The following GRIN3B variants were observed in gnomAD, a reference collection of about 807,000 sequenced individuals.
GRIN3B encodes the protein glutamate receptor ionotropic, NMDA 3B.
In GRIN3B, 77 loss-of-function variants were observed where a neutral mutation model predicts 66.0. The observed-to-expected ratio is 1.17, with a 90% confidence interval of 0.97 to 1.41. The LOEUF (loss-of-function observed/expected upper bound fraction) is 1.41. GRIN3B is among the 40% of genes most tolerant of loss of function. The pLI, the probability that GRIN3B is intolerant of heterozygous loss-of-function variation, is 0.00. For synonymous variants in GRIN3B, 823 were observed against 749.7 expected, an observed-to-expected ratio of 1.10 and a Z score of -1.60; for missense variants, 1,787 against 1,564.5, an observed-to-expected ratio of 1.14 and a Z score of -2.40.
At chr19:1,004,043 C>T (rs895981515) in intron 2 of GRIN3B, among the ~76,000 whole-genome samples, 4 of 152,222 alleles carry the variant, frequency 2.6e-5, no homozygotes, top group Admixed American at 1.3e-4. Flanking sequence ...GAGCTGAGAT[C>T]GCACCACTGC....
In GRIN3B at chr19:1,008,826, C is replaced by T. The variant is rs750536533; in HGVS notation, c.2632-31C>T. 98 of 1,593,144 alleles carry T rather than the reference C, an allele frequency of 6.2e-5. 1 individual carries two copies. Among genetic ancestry groups the T allele is most frequent in the Middle Eastern group, 1.7e-4 (1 of 6,046 alleles). On this transcript the variant is annotated intron_variant, in intron 7 of 8. Transcript: ENST00000234389. The stretch of plus-strand genomic sequence containing the variant: ...GCGGGCGGCCCCACCCCCCCCGCCT[C>T]CTCGCCAACCGGGTCTGTCTGGGGT...
chr19:1,008,681 A>C lies in GRIN3B; in HGVS notation c.2530A>C (p.Ser844Arg). The change falls in exon 7 of 9, where the codon AGC becomes CGC. Residue 844 changes from serine to arginine, a missense_variant. By Grantham distance (110) the Ser-to-Arg change is moderately radical (BLOSUM62 -1). Coordinates refer to ENST00000234389, the MANE Select transcript of GRIN3B (RefSeq NM_138690.3). ...CGTGTTGCTGTGCCTGGGCCTGGGCAGCGCTCTGCTCAGCTCGCTGGGCGA... is the reference window on the plus strand; with the variant it reads ...CGTGTTGCTGTGCCTGGGCCTGGGCCGCGCTCTGCTCAGCTCGCTGGGCGA... ...LFVLLCLGLG[S>R]ALLSSLGEHA... The C allele has an allele frequency of 6.2e-7, 1 of 1,606,192 alleles. No individual in the cohort carries two copies.
rs749404495 is a variant in GRIN3B, at chr19:1,004,646, C to T, written c.1145C>T (p.Ala382Val). The change falls in exon 3 of 9, where the codon GCC (alanine) becomes GTC (valine). Residue 382 changes from alanine to valine, a missense_variant. By Grantham distance (64) the Ala-to-Val change is moderately conservative. Transcript: ENST00000234389. ...SLRRDPRGAP[A>V]WATVGSWRDG... is the part of the protein sequence containing the mutation. ...CGCCGGGACCCACGGGGCGCCCCGG[C>T]CTGGGCCACGGTGGGCAGCTGGCGG... 5 of 1,602,188 alleles carry T rather than the reference C, an allele frequency of 3.1e-6. No homozygotes were observed. The highest frequency in any genetic ancestry group is 4.3e-6 in the Non-Finnish European group (5 of 1,174,756).
intron 1 of GRIN3B, 98 bp downstream of exon 1, chr19:1,000,961 C>G: frequency 8.1e-7 from 1 of 1,227,710 alleles, no homozygotes; most frequent in Non-Finnish European, 1.0e-6. Context: ...GGTGCCGGGA[C>G]TACGCAGGGA....
intron 2 of GRIN3B, 81 bp from the exon 3 acceptor site, chr19:1,004,440 A>C (rs1311315119): frequency 7.3e-6 from 9 of 1,238,264 alleles, no homozygotes; most frequent in Non-Finnish European, 9.2e-6. Context: ...ACCAGTGGGA[A>C]TCGGGCACGT....
chr19:1,007,982 C>T lies in GRIN3B; in HGVS notation c.2314+11C>T, dbSNP rs375905374. 2.4e-5 allele frequency: 39 copies of T among 1,610,220 alleles called. No individual in the cohort carries two copies. The highest frequency in any genetic ancestry group is 3.0e-5 in the Non-Finnish European group (35 of 1,178,124). ...CCTTCGCCATTGAGGGTGAGAGGCA[C>T]CTGGGCGAGGCGGGGCGCCGGGGTC... On this transcript the variant is annotated intron_variant, in intron 5 of 8. Transcript: ENST00000234389. The surrounding 1 kb of genome is among the most constrained non-coding windows in gnomAD (Gnocchi z 4.4).
rs577413695 is a variant in GRIN3B, at chr19:1,003,722, G to A, written c.1019G>A (p.Arg340Gln). Residue 340 changes from arginine to glutamine, a missense_variant and splice_region_variant, in exon 2 of 9, where the codon CGG becomes CAG. Physicochemically the swap from Arg to Gln is conservative, Grantham distance 43. Transcript: ENST00000234389. ...GPESPGRFLARFLANTSFQGR... is the reference protein window; with the variant it reads ...GPESPGRFLAQFLANTSFQGR... Reference sequence around the variant, plus strand: ...GAGTCCCCGGGGCGCTTCTTGGCACGGTGAGTGGGGACCCTGCTTCCCTTA... The same window carrying A: ...GAGTCCCCGGGGCGCTTCTTGGCACAGTGAGTGGGGACCCTGCTTCCCTTA... 195 of 1,400,132 alleles carry A rather than the reference G, an allele frequency of 1.4e-4. No homozygotes were observed. The highest frequency in any genetic ancestry group is 2.0e-4 in the East Asian group (7 of 34,568). The allele number at this position is 1,400,132 out of a possible 1,614,324, so 86.7% of individuals were successfully genotyped here.
chr19:1,004,807 G>A lies in GRIN3B; in HGVS notation c.1306G>A (p.Asp436Asn), dbSNP rs2038725120. Residue 436 changes from aspartate (D) to asparagine (N), a missense_variant, in exon 3 of 9, where the codon GAC (aspartate) becomes AAC (asparagine). Asp to Asn is a conservative substitution (Grantham distance 23). Coordinates refer to ENST00000234389, the MANE Select transcript of GRIN3B (RefSeq NM_138690.3). ...TGTGTTTGCCCGTGATCCAGACGAAGACGGGCAGTGCCCAGCGGGGCAGCT... is the reference window on the plus strand; with the variant it reads ...TGTGTTTGCCCGTGATCCAGACGAAAACGGGCAGTGCCCAGCGGGGCAGCT... ...PFVFARDPDE[D>N]GQCPAGQLCL... The A allele has an allele frequency of 6.2e-7, 1 of 1,612,840 alleles. No individual in the cohort carries two copies. The highest frequency in any genetic ancestry group is 1.3e-5 in the African/African-American group (1 of 75,040).
intron 2 of GRIN3B, 142 bp from the exon 3 acceptor site, chr19:1,004,379 T>C (rs1443314947): frequency 2.7e-6 from 2 of 727,992 alleles, no homozygotes; most frequent in African/African-American, 3.5e-5. Flanking sequence ...GGGACTAGGC[T>C]TGGGGACACC....
At chr19:1,003,018 G>A (rs1175194982) in intron 1 of GRIN3B, 112 bp from the exon 2 acceptor site, 1 of 664,026 alleles carries the variant, frequency 1.5e-6, no homozygotes, top group Non-Finnish European at 2.4e-6. Flanking sequence ...GAGGTGGAGG[G>A]GAGGTGCAGC....
intron 3 of GRIN3B, among the ~76,000 whole-genome samples, chr19:1,006,445 G>T (rs1012493291): frequency 6.6e-6 from 1 of 151,852 alleles, no homozygotes; most frequent in Admixed American, 6.6e-5. Flanking sequence ...CATCTGGCCC[G>T]TATTATTATT....
In GRIN3B at chr19:1,005,313, G is replaced by A. The variant is rs752962218; in HGVS notation, c.1812G>A (p.Thr604=). 21 of 1,613,452 alleles carry A rather than the reference G, an allele frequency of 1.3e-5. No homozygotes were observed. In the East Asian group the frequency reaches 1.6e-4, roughly 12 times the overall value. Residue 604 remains threonine (T), a synonymous_variant, in exon 3 of 9, where the codon ACG becomes ACA. Transcript: ENST00000234389. This position sits in a 1 kb window ranked among gnomAD's most constrained non-coding sequence, Gnocchi z 5.2. The part of the protein sequence containing the change: ...VYEWRSPYGL[T]PRGRNRSTVF... ...AGTGGCGTAGCCCCTACGGCCTCAC[G>A]CCACGTGGCCGCAACCGCAGCACCG...
chr19:1,008,180 CA>C lies in GRIN3B; in HGVS notation c.2357del (p.Asn786ThrfsTer41), dbSNP rs1205966829. 3.4e-5 allele frequency: 54 copies of C among 1,608,652 alleles called. No homozygotes were observed. The highest frequency in any genetic ancestry group is 4.6e-5 in the Non-Finnish European group (54 of 1,178,240). ...GLPQNSPLTS[N>X]LSEFISRYKS... ...TGCCCCAGAACTCGCCGCTCACCTC[CA>C]ACCTGTCCGAGTTCATCAGCCGCTA... On this transcript the variant is annotated frameshift_variant, in exon 6 of 9. Transcript: ENST00000234389. LOFTEE classifies it high-confidence loss of function.
At position 1,005,999 on chromosome 19, in the gene GRIN3B, G is replaced by A. The variant is rs1279596354; in HGVS notation, c.2052+446G>A. Among the ~76,000 whole-genome samples the A allele has an allele frequency of 2.6e-5, 4 of 151,982 alleles. No homozygotes were observed. The highest frequency in any genetic ancestry group is 4.4e-5 in the Non-Finnish European group (3 of 67,980). ...AGCCTGGGCAACAGAGCAAGACTCC[G>A]TCTCAAAAAACAAAAAACAAAACAA... On this transcript the variant is annotated intron_variant, in intron 3 of 8. Coordinates refer to ENST00000234389, the MANE Select transcript of GRIN3B (RefSeq NM_138690.3). This position sits in a 1 kb window ranked among gnomAD's most constrained non-coding sequence, Gnocchi z 5.2.
chr19:1,006,891 G>C (rs1209551060), intron 3 of GRIN3B, among the ~76,000 whole-genome samples: 1 of 152,204 alleles, frequency 6.6e-6, no homozygotes, highest in African/African-American at 2.4e-5. Flanking sequence ...TTCAAGTTTG[G>C]GTTTTTGGTG....
Position 1,009,402 on chromosome 19 carries a change from C to T in GRIN3B, c.2932C>T (p.Pro978Ser). ...GCCCGCCGCAAGGCCCACGGGGGCC[C>T]CCCAGCCCGGGGAGCTGCAGGAGCT... The part of the protein sequence containing the change: ...RPPAARPTGA[P>S]QPGELQELER... The change falls in exon 9 of 9, where the codon CCC (proline) becomes TCC (serine). Residue 978 changes from proline (P) to serine (S), a missense_variant. Pro to Ser is a moderately conservative substitution (Grantham distance 74). Coordinates refer to ENST00000234389, the MANE Select transcript of GRIN3B (RefSeq NM_138690.3). 1.4e-6 allele frequency: 2 copies of T among 1,424,942 alleles called. No homozygotes were observed. Among genetic ancestry groups the T allele is most frequent in the Non-Finnish European group, 9.1e-7 (1 of 1,095,674 alleles). 88.3% of individuals were successfully genotyped at this position (1,424,942 alleles called of 1,614,324 possible).
chr19:1,004,223 A>G (rs2038714718), intron 2 of GRIN3B, among the ~76,000 whole-genome samples: 1 of 152,192 alleles, frequency 6.6e-6, no homozygotes, highest in Non-Finnish European at 1.5e-5. Context: ...TGAGCCCTGG[A>G]GGAGTTCCTG....
chr19:1,009,120 G>C (rs2038804336), intron 8 of GRIN3B, 53 bp from the exon 9 acceptor site: 2 of 1,442,844 alleles, frequency 1.4e-6, no homozygotes, highest in Middle Eastern at 2.5e-4. Flanking sequence ...CAGAGGCCCA[G>C]GGCGCGAGAC....
In GRIN3B at chr19:1,005,017, G is replaced by A. The variant is rs377629131; in HGVS notation, c.1516G>A (p.Gly506Ser). The stretch of plus-strand genomic sequence containing the variant: ...GTACCTCGTGGGTGACGGCAAGTAC[G>A]GCGCCCTGCGGGACGGCCGCTGGAC... ...ELYLVGDGKYGALRDGRWTGL... is the reference protein window; with the variant it reads ...ELYLVGDGKYSALRDGRWTGL... The change falls in exon 3 of 9, where the codon GGC (glycine) becomes AGC (serine). Residue 506 changes from glycine to serine, a missense_variant. Physicochemically the swap from Gly to Ser is moderately conservative, Grantham distance 56 (BLOSUM62 0). Transcript: ENST00000234389. This position sits in a 1 kb window ranked among gnomAD's most constrained non-coding sequence, Gnocchi z 5.2. 179 of 1,611,936 alleles carry A rather than the reference G, an allele frequency of 1.1e-4. No individual in the cohort carries two copies. Among genetic ancestry groups the A allele is most frequent in the Non-Finnish European group, 1.4e-4 (170 of 1,179,526 alleles).
Sources: allele counts gnomAD v4.1 joint callset (sites outside exome capture counted in the v4.1 genomes callset), GRCh38; gene constraint gnomAD v4.1.1; non-coding constraint Gnocchi (gnomAD v3.1); transcripts MANE v1.5; gene names NCBI Gene and HGNC (gene_info 2026-07-23, HGNC 2026-07-21).